Variants in PRELID2 observed in about 807,000 individuals in gnomAD.
PRELID2 encodes the protein PRELI domain-containing protein 2.
Under a neutral mutation model 28.4 loss-of-function variants are expected in PRELID2, and 25 were observed. The ratio of observed to expected loss-of-function variants is 0.88; its 90% CI spans 0.64 to 1.23. PRELID2 has a LOEUF of 1.23. PRELID2 is among the 50% of genes most tolerant of loss of function. PRELID2 has a pLI of 0.00. For synonymous variants in PRELID2, 76 were observed against 71.6 expected, an observed-to-expected ratio of 1.06 and a Z score of -0.31; for missense variants, 201 against 214.4, an observed-to-expected ratio of 0.94 and a Z score of 0.39.
At chr5:145,320,630 T>C in the PRELID2 span, among the ~76,000 whole-genome samples, 330 of 152,294 alleles carry the variant, frequency 2.2e-3, 1 homozygote, top group African/African-American at 7.2e-3. Context: ...CTTGATTTTG[T>C]CTGTATTGCT....
Position 145,756,758 on chromosome 5 carries a change from A to G in PRELID2, c.*3778T>C, listed in dbSNP as rs1026369254. On this transcript the variant is annotated 3_prime_UTR_variant, in exon 7 of 7. Coordinates refer to ENST00000683046, the MANE Select transcript of PRELID2 (RefSeq NM_205846.3). ...TCAAAACCTCATTCAAATCCTCTCT[A>G]CTCTTATTCAACATATAGTATGCAG... Among the ~76,000 whole-genome samples the G allele has an allele frequency of 6.6e-6, 1 of 152,062 alleles. No homozygotes were observed. Among genetic ancestry groups the G allele is most frequent in the African/African-American group, 2.4e-5 (1 of 41,396 alleles).
intron 1 of PRELID2, among the ~76,000 whole-genome samples, chr5:145,533,508 A>C (rs750870043): frequency 2.6e-5 from 4 of 152,048 alleles, no homozygotes; most frequent in Non-Finnish European, 4.4e-5. Flanking sequence ...TAGACACTTT[A>C]CTGGGTATTA....
intron 5 of PRELID2, among the ~76,000 whole-genome samples, chr5:145,787,006 A>C (rs547157101): frequency 6.6e-6 from 1 of 152,344 alleles, no homozygotes; most frequent in Admixed American, 6.5e-5. Flanking sequence ...GTTGAATTCA[A>C]TCGTTCTCTG....
chr5:145,438,402 T>G, the PRELID2 span, among the ~76,000 whole-genome samples: 8 of 152,170 alleles, frequency 5.3e-5, no homozygotes, highest in Admixed American at 3.9e-4. Context: ...TCTTTTGTAC[T>G]ACCCTCCCCT....
At chr5:145,438,351 G>A in the PRELID2 span, among the ~76,000 whole-genome samples, 7 of 152,148 alleles carry the variant, frequency 4.6e-5, no homozygotes, top group Non-Finnish European at 8.8e-5. Context: ...ACTTTCTGCT[G>A]CATCCCCAAA....
chr5:145,443,914 C>T, the PRELID2 span, among the ~76,000 whole-genome samples: 1 of 152,036 alleles, frequency 6.6e-6, no homozygotes, highest in Non-Finnish European at 1.5e-5. Context: ...ATTATTAGCC[C>T]TCTTAAGAGC....
At position 145,740,925 on chromosome 5, in the gene PRELID2, G is replaced by GACAAATATATATGTACATATATTTATCT. The variant is rs1756691377; in HGVS notation, n.70+24005_70+24006insAGATAAATATATGTACATATATATTTGT. Among the ~76,000 whole-genome samples the GACAAATATATATGTACATATATTTATCT allele has an allele frequency of 1.1e-4, 9 of 79,920 alleles. 2 individuals are homozygous for GACAAATATATATGTACATATATTTATCT. In the Admixed American group the frequency reaches 1.6e-3, roughly 14 times the overall value. 52.4% of individuals were successfully genotyped at this position (79,920 alleles called of 152,430 possible). A position where few individuals can be genotyped will look rare whatever the true frequency, so the allele number is the denominator to read the frequency against. Reference sequence around the variant, plus strand: ...AAATATATATGTACATATATTTATCGATAAATATATATGTACATATATTTA... The same window carrying GACAAATATATATGTACATATATTTATCT: ...AAATATATATGTACATATATTTATCGACAAATATATATGTACATATATTTATCTATAAATATATATGTACATATATTTA... On this transcript the variant is annotated intron_variant and non_coding_transcript_variant, in intron 1 of 2. Coordinates refer to the PRELID2 transcript ENST00000510259.
intron 1 of PRELID2, among the ~76,000 whole-genome samples, chr5:145,495,755 A>T (rs1229309675): frequency 1.3e-5 from 2 of 152,212 alleles, no homozygotes; most frequent in African/African-American, 4.8e-5. Flanking sequence ...ATAATGCTAG[A>T]TTTAATTGTA....
the PRELID2 span, among the ~76,000 whole-genome samples, chr5:145,350,688 T>C: frequency 6.6e-6 from 1 of 152,178 alleles, no homozygotes; most frequent in African/African-American, 2.4e-5. Context: ...ACTGCCATAC[T>C]CACAATGAAT....
downstream of PRELID2, among the ~76,000 whole-genome samples, chr5:145,470,888 C>T (rs1752047952): frequency 6.6e-6 from 1 of 152,032 alleles, no homozygotes; most frequent in African/African-American, 2.4e-5. Flanking sequence ...TGGAAAATTG[C>T]TTCTTGAGGG....
At chr5:145,284,097 A>T in the PRELID2 span, among the ~76,000 whole-genome samples, 6 of 152,172 alleles carry the variant, frequency 3.9e-5, no homozygotes, top group African/African-American at 1.4e-4. Context: ...CGTATTGCTC[A>T]TCTATAAAAT....
intron 1 of PRELID2, among the ~76,000 whole-genome samples, chr5:145,494,626 T>TA (rs750614747): frequency 4.1e-4 from 62 of 151,826 alleles, no homozygotes; most frequent in South Asian, 1.2e-3. Flanking sequence ...TGTAACAGGT[T>TA]AAAAAAAATA....
the PRELID2 span, among the ~76,000 whole-genome samples, chr5:145,370,669 T>C: frequency 6.6e-6 from 1 of 152,104 alleles, no homozygotes; most frequent in South Asian, 2.1e-4. Flanking sequence ...ATGTCTATGG[T>C]AGTTTAATGG....
At chr5:145,453,912 C>T in the PRELID2 span, among the ~76,000 whole-genome samples, 1 of 152,120 alleles carries the variant, frequency 6.6e-6, no homozygotes, top group Non-Finnish European at 1.5e-5. Flanking sequence ...GTGAATAGTG[C>T]TGCAATAAAC....
At chr5:145,666,219 C>G (rs1448448332) in intron 1 of PRELID2, among the ~76,000 whole-genome samples, 1 of 152,000 alleles carries the variant, frequency 6.6e-6, no homozygotes, top group Non-Finnish European at 1.5e-5. Context: ...AGATTTCTTT[C>G]CTAATTGTTT....
At chr5:145,268,185 T>C in the PRELID2 span, among the ~76,000 whole-genome samples, 1 of 152,200 alleles carries the variant, frequency 6.6e-6, no homozygotes, top group Non-Finnish European at 1.5e-5. Context: ...TGCCTGTACT[T>C]GTAGAGTATT....
chr5:145,724,600 A>ATATATATATATATAT (rs1756080147), intron 1 of PRELID2, among the ~76,000 whole-genome samples: 5 of 24,786 alleles, frequency 2.0e-4, no homozygotes, highest in Non-Finnish European at 3.8e-4. Flanking sequence ...GAAGTAAATA[A>ATATATATATATATAT]ATATATATAT....
intron 1 of PRELID2, among the ~76,000 whole-genome samples, chr5:145,664,340 T>C (rs1299740524): frequency 6.6e-6 from 1 of 152,140 alleles, no homozygotes; most frequent in Non-Finnish European, 1.5e-5. Flanking sequence ...CTCCTTTCCA[T>C]TTGAGCAAGC....
At chr5:145,647,677 G>A (rs1273651318) in intron 1 of PRELID2, among the ~76,000 whole-genome samples, 6 of 152,214 alleles carry the variant, frequency 3.9e-5, no homozygotes, top group Non-Finnish European at 5.9e-5. Context: ...CAAAGGCACC[G>A]GAGGGAATCT....
Sources: allele counts gnomAD v4.1 joint callset (sites outside exome capture counted in the v4.1 genomes callset), GRCh38; gene constraint gnomAD v4.1.1; transcripts MANE v1.5; gene names NCBI Gene and HGNC (gene_info 2026-07-23, HGNC 2026-07-21).